Variants in VEGFA observed in about 807,000 individuals in gnomAD.
VEGFA encodes the protein vascular endothelial growth factor A.
A neutral mutation model predicts 49.7 loss-of-function variants in VEGFA; 20 were observed. The ratio of observed to expected loss-of-function variants is 0.40; its 90% CI spans 0.28 to 0.58. The LOEUF is 0.58. VEGFA is among the 20% of genes least tolerant of loss of function. The probability of loss-of-function intolerance (pLI) is 0.40; values close to 1 mark genes in which losing one functional copy is unlikely to be tolerated. For synonymous variants in VEGFA, 219 were observed against 223.4 expected, an observed-to-expected ratio of 0.98 and a Z score of 0.18; for missense variants, 505 against 553.5, an observed-to-expected ratio of 0.91 and a Z score of 0.88.
chr6:43,774,593 T>C, intron 2 of VEGFA: 1 of 635,370 alleles, frequency 1.6e-6, no homozygotes, highest in Non-Finnish European at 2.8e-6. Context: ...CTGCTAGAAG[T>C]AGGACTTGTT....
intron 5 of VEGFA, 157 bp downstream of exon 5, chr6:43,779,075 A>G: frequency 1.1e-6 from 1 of 924,790 alleles, no homozygotes; most frequent in South Asian, 1.4e-5. Context: ...GGATGGAGCC[A>G]ACTCCAGGAT....
At chr6:43,780,553 A>C in intron 5 of VEGFA, 179 bp from the exon 6 acceptor site, 1 of 790,316 alleles carries the variant, frequency 1.3e-6, no homozygotes, top group Admixed American at 2.2e-5. Context: ...CTGCCCAGAC[A>C]CGCCTGTGTG....
chr6:43,782,245 T>TAAAAGCAGAGAAGGCAG, intron 7 of VEGFA, 158 bp downstream of exon 7: 1 of 1,142,848 alleles, frequency 8.8e-7, no homozygotes, highest in Non-Finnish European at 1.2e-6. Flanking sequence ...ACTGCTGCCT[T>TAAAAGCAGAGAAGGCAG]CTCTGCTTTT....
In VEGFA at chr6:43,780,810, T is replaced by C. The variant is rs1330424606; in HGVS notation, c.1034+7T>C. On this transcript the variant is annotated splice_region_variant and intron_variant, in intron 6 of 7. Transcript: ENST00000672860. Reference sequence around the variant, plus strand: ...GGTATAAGTCCTGGAGCGTGTACGTTGGTGCCCGCTGCTGTCTAATGCCCT... The same window carrying C: ...GGTATAAGTCCTGGAGCGTGTACGTCGGTGCCCGCTGCTGTCTAATGCCCT... 3.7e-6 allele frequency: 6 copies of C among 1,613,832 alleles called. No individual in the cohort carries two copies. The Admixed American group carries it at 8.3e-5, about 22-fold the overall frequency.
intron 2 of VEGFA, chr6:43,776,468 A>C (rs1765463988): frequency 6.6e-6 from 1 of 152,218 alleles, no homozygotes; most frequent in African/African-American, 2.4e-5. Context: ...TTACCCCTTC[A>C]TGCTCCAGTG....
In VEGFA at chr6:43,777,840, C is replaced by T. The variant is rs3024998; in HGVS notation, c.855+175C>T. On this transcript the variant is annotated intron_variant, in intron 3 of 7. Coordinates refer to ENST00000672860, the MANE Select transcript of VEGFA (RefSeq NM_003376.6). The surrounding 1 kb of genome is among the most constrained non-coding windows in gnomAD (Gnocchi z 4.3). ...TTCTGTGGAGAAGATGCTTCATTCC[C>T]AGCCCAGGTTCCCAGCAAGCCCCAA... is the stretch of plus-strand genomic sequence containing the variant. The T allele has an allele frequency of 0.32, 221,475 of 694,248 alleles. 36,382 individuals are homozygous for T. Among genetic ancestry groups the T allele is most frequent in the East Asian group, 0.44 (15,969 of 36,586 alleles). 43.0% of individuals were successfully genotyped at this position (694,248 alleles called of 1,614,324 possible).
intron 7 of VEGFA, chr6:43,782,381 G>A (rs2128053440): frequency 2.3e-6 from 1 of 426,440 alleles, no homozygotes; most frequent in Admixed American, 3.5e-5. Flanking sequence ...GCTGTGTGTT[G>A]TGTCCTGTGG....
chr6:43,781,038 G>C, intron 6 of VEGFA: 2 of 1,008,090 alleles, frequency 2.0e-6, no homozygotes, highest in Non-Finnish European at 2.9e-6. Context: ...GACTTGGCCT[G>C]GAGGATTAAG....
At chr6:43,775,279 C>T (rs907234386) in intron 2 of VEGFA, 2 of 152,322 alleles carry the variant, frequency 1.3e-5, no homozygotes, top group African/African-American at 4.8e-5. Context: ...CCACTTACCC[C>T]TTCCAGCTTC....
At chr6:43,774,266 G>A (rs1764569835) in intron 1 of VEGFA, 75 bp from the exon 2 acceptor site, 6 of 1,493,994 alleles carry the variant, frequency 4.0e-6, no homozygotes, top group South Asian at 1.1e-5. Context: ...TGAGGAGGGA[G>A]GAGGGGCTGG....
rs1401245750 is a variant in VEGFA at position 43,770,928 on chromosome 6, C to G, written c.222C>G (p.Ala74=). 63 of 1,544,444 alleles carry G rather than the reference C, an allele frequency of 4.1e-5. No individual in the cohort carries two copies. The highest frequency in any genetic ancestry group is 5.3e-5 in the Non-Finnish European group (61 of 1,145,456). Residue 74 remains alanine, a synonymous_variant, in exon 1 of 8, where the codon GCC becomes GCG. Coordinates refer to ENST00000672860, the MANE Select transcript of VEGFA (RefSeq NM_003376.6). ...GAGCCGTGGTCCGCGCGGGGGAAGC[C>G]GAGCCGAGCGGAGCCGCGAGAAGTG...
rs1043302079 is a variant in VEGFA, at chr6:43,782,342, T to C, written c.1166+255T>C. 2.8e-5 allele frequency: 14 copies of C among 499,940 alleles called. No homozygotes were observed. The Admixed American group carries it at 3.6e-4, about 13-fold the overall frequency. The allele number at this position is 499,940 out of a possible 1,614,324, so 31.0% of individuals were successfully genotyped here. A position where few individuals can be genotyped will look rare whatever the true frequency, so the allele number is the denominator to read the frequency against. On this transcript the variant is annotated intron_variant, in intron 7 of 7. Transcript: ENST00000672860. ...CCTGGTTGCCTGAGTGGTAGGCTGG[T>C]GTGGCTTAGTGTAGTGGTGTGGACG...
chr6:43,770,933 CGAGCG>C lies in VEGFA; in HGVS notation c.232_236del (p.Gly78ArgfsTer5), dbSNP rs1763331812. On this transcript the variant is annotated frameshift_variant, in exon 1 of 8. Transcript: ENST00000672860. LOFTEE classifies it high-confidence loss of function. ...GTGGTCCGCGCGGGGGAAGCCGAGC[CGAGCG>C]GAGCCGCGAGAAGTGCTAGCTCGGG... is the stretch of plus-strand genomic sequence containing the variant. 2 of 1,544,568 alleles carry C rather than the reference CGAGCG, an allele frequency of 1.3e-6. No homozygotes were observed. Among genetic ancestry groups the C allele is most frequent in the Non-Finnish European group, 1.7e-6 (2 of 1,145,440 alleles).
chr6:43,782,166 G>GAGCA (rs1377679055), intron 7 of VEGFA, 79 bp downstream of exon 7: 1 of 1,580,542 alleles, frequency 6.3e-7, no homozygotes, highest in African/African-American at 1.3e-5. Flanking sequence ...GAGAGTGAGC[G>GAGCA]AGCGAGCGAG....
In VEGFA at chr6:43,779,254, G is replaced by C; in HGVS notation, c.962+336G>C. ...TGGCTTGCTCTAGGACACCCACAGT[G>C]GGGAGAGGGAGTGGGTGGCAGAGAG... is the stretch of plus-strand genomic sequence containing the variant. On this transcript the variant is annotated intron_variant, in intron 5 of 7. Coordinates refer to ENST00000672860, the MANE Select transcript of VEGFA (RefSeq NM_003376.6). 6.1e-6 allele frequency: 3 copies of C among 491,362 alleles called. 1 individual carries two copies. The South Asian group carries it at 6.7e-5, about 11-fold the overall frequency. 30.4% of individuals were successfully genotyped at this position (491,362 alleles called of 1,614,324 possible).
At position 43,784,651 on chromosome 6, in the gene VEGFA, C is replaced by T. The variant is rs1347884113; in HGVS notation, c.*89C>T. 6.2e-7 allele frequency: 1 copy of T among 1,607,672 alleles called. No homozygotes were observed. Among genetic ancestry groups the T allele is most frequent in the Non-Finnish European group, 8.5e-7 (1 of 1,174,276 alleles). On this transcript the variant is annotated 3_prime_UTR_variant, in exon 8 of 8. Coordinates refer to ENST00000672860, the MANE Select transcript of VEGFA (RefSeq NM_003376.6). ...TGATACAGAACGATCGATACAGAAA[C>T]CACGCTGCCGCCACCACACCATCAC... is the stretch of plus-strand genomic sequence containing the variant.
At chr6:43,776,436 G>GCCC (rs1249514595) in intron 2 of VEGFA, 1 of 152,244 alleles carries the variant, frequency 6.6e-6, no homozygotes, top group Non-Finnish European at 1.5e-5. Flanking sequence ...ATTCTCAAGG[G>GCCC]CCCCGCCTCT....
Position 43,785,833 on chromosome 6 carries a change from A to G in VEGFA, c.*1271A>G, listed in dbSNP as rs889012828. On this transcript the variant is annotated 3_prime_UTR_variant, in exon 8 of 8. Transcript: ENST00000672860. Reference sequence around the variant, plus strand: ...TTTTAATTAGAAATTAAAACAGTTAATTTAATTAAAGAGTAGGGTTTTTTT... The same window carrying G: ...TTTTAATTAGAAATTAAAACAGTTAGTTTAATTAAAGAGTAGGGTTTTTTT... 3 of 187,274 alleles carry G rather than the reference A, an allele frequency of 1.6e-5. No individual in the cohort carries two copies. The highest frequency in any genetic ancestry group is 3.4e-5 in the Non-Finnish European group (3 of 89,228). 11.6% of individuals were successfully genotyped at this position (187,274 alleles called of 1,614,324 possible).
chr6:43,778,547 A>G lies in VEGFA; in HGVS notation c.932+11A>G. ...CAAATGTGAATGCAGGTGAGGATGT[A>G]GTCACGGATTCATTATCAGCAAGTG... is the stretch of plus-strand genomic sequence containing the variant. On this transcript the variant is annotated intron_variant, in intron 4 of 7. Coordinates refer to ENST00000672860, the MANE Select transcript of VEGFA (RefSeq NM_003376.6). 1 of 1,613,098 alleles carries G rather than the reference A, an allele frequency of 6.2e-7. No individual in the cohort carries two copies. Among genetic ancestry groups the G allele is most frequent in the Non-Finnish European group, 8.5e-7 (1 of 1,179,050 alleles).
Sources: gnomAD v4.1 joint callset for allele counts on GRCh38, gnomAD v4.1.1 for gene constraint, Gnocchi (gnomAD v3.1) non-coding constraint, MANE v1.5 for transcripts, NCBI Gene and HGNC (gene_info 2026-07-23, HGNC 2026-07-21) for gene names.